ACSF3: variants seen among roughly 807,000 people sequenced by gnomAD.
ACSF3 encodes the protein acyl-CoA synthetase family member 3, also known as malonate--CoA ligase ACSF3, mitochondrial.
In ACSF3, 78 loss-of-function variants were observed where a neutral mutation model predicts 53.2. The observed-to-expected ratio is 1.47, with a 90% CI of 1.22 to 1.77. The LOEUF is 1.77. Among genes scored for constraint, ACSF3 ranks in the 40% most tolerant of loss-of-function variants. ACSF3 has a pLI of 0.00. For missense variants in ACSF3, 937 were observed against 771.1 expected, an observed-to-expected ratio of 1.22 and a Z score of -2.55; for synonymous variants, 414 against 333.1, an observed-to-expected ratio of 1.24 and a Z score of -2.65.
chr16:89,112,698 CTT>C (rs1244764151), intron 5 of ACSF3, among the ~76,000 whole-genome samples: 1 of 152,176 alleles, frequency 6.6e-6, no homozygotes, highest in African/African-American at 2.4e-5. Flanking sequence ...CTCCATCTGT[CTT>C]TGTCTCCGTC....
intron 8 of ACSF3, among the ~76,000 whole-genome samples, chr16:89,135,051 C>T (rs1347434731): frequency 2.1e-5 from 3 of 143,596 alleles, no homozygotes; most frequent in Middle Eastern, 3.6e-3. Flanking sequence ...GGTGAGATTG[C>T]GGTGGTTTTT....
At position 89,146,040 on chromosome 16, in the gene ACSF3, A is replaced by C; in HGVS notation, c.1604A>C (p.Glu535Ala). 3.1e-6 allele frequency: 2 copies of C among 649,418 alleles called. No homozygotes were observed. Among genetic ancestry groups the C allele is most frequent in the South Asian group, 3.0e-5 (2 of 65,810 alleles). 40.2% of individuals were successfully genotyped at this position (649,418 alleles called of 1,614,324 possible). A position where few individuals can be genotyped will look rare whatever the true frequency, so the allele number is the denominator to read the frequency against. Residue 535 changes from glutamate to alanine, a missense_variant, in exon 10 of 11, where the codon GAG (glutamate) becomes GCG (alanine). Coordinates refer to ENST00000614302, the MANE Select transcript of ACSF3 (RefSeq NM_001243279.3). ...GHSLSHRELK[E>A]WARNVLAPYA... ...TCACTGTCCCACAGGGAGCTCAAAG[A>C]GTGGGCCAGGTAGGGCTGGGTGGGG...
chr16:89,100,233 G>A (rs552424508), intron 2 of ACSF3, among the ~76,000 whole-genome samples: 15 of 152,374 alleles, frequency 9.8e-5, no homozygotes, highest in African/African-American at 3.1e-4. Flanking sequence ...CCCCGGGGGC[G>A]GGGTCTCCAG....
chr16:89,102,615 G>C lies in ACSF3; in HGVS notation c.678G>C (p.Leu226=). 6.2e-7 allele frequency: 1 copy of C among 1,613,756 alleles called. No homozygotes were observed. Among genetic ancestry groups the C allele is most frequent in the South Asian group, 1.1e-5 (1 of 91,076 alleles). ...CTCGTCCCCTGCAGGTGACCGGGCT[G>C]GTCCACAAGTGGGCATGGACCAAAG... ...HQNIRAVVTG[L]VHKWAWTKDD... The change falls in exon 4 of 11, where the codon CTG becomes CTC. Residue 226 remains leucine (L), a synonymous_variant. Transcript: ENST00000614302.
At chr16:89,098,905 G>T (rs1974935277) in intron 2 of ACSF3, 142 bp downstream of exon 2, 1 of 399,728 alleles carries the variant, frequency 2.5e-6, no homozygotes, top group African/African-American at 2.1e-5. Context: ...TAGCATCATT[G>T]TCAAAATAAT....
rs1182258764 is a variant in ACSF3 at position 89,133,370 on chromosome 16, C to G, written c.1366+108C>G. The G allele has an allele frequency of 1.6e-5, 24 of 1,495,768 alleles. No individual in the cohort carries two copies. In the African/African-American group the frequency reaches 2.2e-4, roughly 14 times the overall value. The allele number at this position is 1,495,768 out of a possible 1,614,324, so 92.7% of individuals were successfully genotyped here. A position where few individuals can be genotyped will look rare whatever the true frequency, so the allele number is the denominator to read the frequency against. On this transcript the variant is annotated intron_variant, in intron 8 of 10. Transcript: ENST00000614302. ...GGCTGGGAGTTCCCAGAATTTTCAG[C>G]CAAAGGCAGAAGATGGGGTGGAGTG...
intron 4 of ACSF3, among the ~76,000 whole-genome samples, chr16:89,109,446 CTG>C (rs1325135950): frequency 9.3e-6 from 1 of 107,482 alleles, no homozygotes; most frequent in East Asian, 3.2e-4. Context: ...GAGTCTCACT[CTG>C]TCGCTCAGGC....
chr16:89,148,429 C>G (rs569226804), intron 10 of ACSF3: 4 of 152,188 alleles, frequency 2.6e-5, no homozygotes, highest in African/African-American at 7.2e-5. Context: ...AAAATAATCT[C>G]CTAAGACCCA....
At chr16:89,127,883 T>G (rs1908469246) in intron 7 of ACSF3, among the ~76,000 whole-genome samples, 1 of 152,210 alleles carries the variant, frequency 6.6e-6, no homozygotes, top group South Asian at 2.1e-4. Context: ...AATTCCCATC[T>G]TAACCTTTTA....
At chr16:89,135,837 C>T (rs1239192520) in intron 8 of ACSF3, among the ~76,000 whole-genome samples, 3 of 152,254 alleles carry the variant, frequency 2.0e-5, no homozygotes, top group Non-Finnish European at 4.4e-5. Flanking sequence ...TGCAGTGGCA[C>T]GATCTCAGCT....
chr16:89,148,468 T>A (rs1913517574), intron 10 of ACSF3: 1 of 152,188 alleles, frequency 6.6e-6, no homozygotes, highest in South Asian at 2.1e-4. Context: ...CACTGATGCA[T>A]GGAGGTGGCT....
chr16:89,109,497 C>T (rs544479295), intron 4 of ACSF3, among the ~76,000 whole-genome samples: 112 of 148,548 alleles, frequency 7.5e-4, no homozygotes, highest in African/African-American at 2.4e-3. Context: ...CTGCAATCTC[C>T]GCCTCCTGGG....
rs1912706484 is a variant in ACSF3 at position 89,145,319 on chromosome 16, A to C, written c.1419A>C (p.Ser473=). The change falls in exon 9 of 11, where the codon TCA becomes TCC. Residue 473 remains serine (S), a synonymous_variant. Coordinates refer to ENST00000614302, the MANE Select transcript of ACSF3 (RefSeq NM_001243279.3). ...AGTACTGGATCCGAGGCCGGACCTC[A>C]GTGGACATCATCAAGACTGGAGGCT... ...DGQYWIRGRT[S]VDIIKTGGYK... 1.9e-6 allele frequency: 3 copies of C among 1,614,198 alleles called. No homozygotes were observed. The highest frequency in any genetic ancestry group is 2.5e-6 in the Non-Finnish European group (3 of 1,180,030).
intron 7 of ACSF3, among the ~76,000 whole-genome samples, chr16:89,130,666 C>G (rs1909094238): frequency 6.6e-6 from 1 of 152,192 alleles, no homozygotes; most frequent in Admixed American, 6.5e-5. Flanking sequence ...TTGTTCCTCT[C>G]TGTGTGTCAG....
At chr16:89,130,834 C>G (rs1354391400) in intron 7 of ACSF3, among the ~76,000 whole-genome samples, 1 of 152,114 alleles carries the variant, frequency 6.6e-6, no homozygotes, top group East Asian at 1.9e-4. Flanking sequence ...GTTATCTTTT[C>G]TTCTGTCACT....
At chr16:89,137,099 C>G (rs574854371) in intron 8 of ACSF3, among the ~76,000 whole-genome samples, 2 of 152,360 alleles carry the variant, frequency 1.3e-5, no homozygotes, top group East Asian at 3.9e-4. Context: ...GCAGCAGCCC[C>G]TCCTGGGGGC....
At chr16:89,134,008 G>T (rs1287237360) in intron 8 of ACSF3, among the ~76,000 whole-genome samples, 1 of 152,190 alleles carries the variant, frequency 6.6e-6, no homozygotes, top group African/African-American at 2.4e-5. Context: ...CTTGGTCCCA[G>T]GATCCCACAT....
intron 8 of ACSF3, among the ~76,000 whole-genome samples, chr16:89,143,530 G>A (rs1392874545): frequency 2.0e-5 from 3 of 152,162 alleles, no homozygotes; most frequent in African/African-American, 4.8e-5. Flanking sequence ...GGCTCGGTGC[G>A]ATTAAGAGAT....
At chr16:89,102,844 AGCCTAAGC>A (rs1975521288) in intron 4 of ACSF3, 85 bp downstream of exon 4, 1 of 1,563,028 alleles carries the variant, frequency 6.4e-7, no homozygotes, top group Non-Finnish European at 8.7e-7. Flanking sequence ...CCGCGCCCTC[AGCCTAAGC>A]GCCTTTCGCT....
Sources: allele counts gnomAD v4.1 joint callset (sites outside exome capture counted in the v4.1 genomes callset), GRCh38; gene constraint gnomAD v4.1.1; transcripts MANE v1.5; gene names NCBI Gene and HGNC (gene_info 2026-07-23, HGNC 2026-07-21).